The following TMOD1 variants were observed in gnomAD, a reference collection of about 807,000 sequenced individuals.
TMOD1 encodes tropomodulin-1.
TMOD1 carries 17 observed loss-of-function variants against 40.6 expected under a neutral mutation model. The ratio of observed to expected loss-of-function variants is 0.42; its 90% confidence interval spans 0.29 to 0.63. The LOEUF (loss-of-function observed/expected upper bound fraction) is 0.63. Among genes scored for constraint, TMOD1 ranks in the 20% least tolerant of loss-of-function variants. The probability of loss-of-function intolerance (pLI) is 0.22; values close to 1 mark genes in which losing one functional copy is unlikely to be tolerated. For missense variants in TMOD1, 391 were observed against 447.6 expected, an observed-to-expected ratio of 0.87 and a Z score of 1.14; for synonymous variants, 181 against 175.0, an observed-to-expected ratio of 1.03 and a Z score of -0.27.
Position 97,599,933 on chromosome 9 carries a change from T to C in TMOD1, c.*235T>C. The C allele has an allele frequency of 2.3e-6, 3 of 1,292,310 alleles. No homozygotes were observed. Among genetic ancestry groups the C allele is most frequent in the East Asian group, 3.4e-5 (1 of 29,494 alleles). The allele number at this position is 1,292,310 out of a possible 1,614,324, so 80.1% of individuals were successfully genotyped here. A position where few individuals can be genotyped will look rare whatever the true frequency, so the allele number is the denominator to read the frequency against. ...TTGAATCTGGTTATTATTTAAAAAC[T>C]AGAAGCCCCCAAACCAGCAGATCTT... On this transcript the variant is annotated 3_prime_UTR_variant, in exon 10 of 10. Transcript: ENST00000259365.
At chr9:97,566,442 G>T (rs911746937) in intron 7 of TMOD1, among the ~76,000 whole-genome samples, 4 of 152,086 alleles carry the variant, frequency 2.6e-5, no homozygotes. Flanking sequence ...AGGTCAAGAC[G>T]GGTGGATCAC....
chr9:97,592,741 C>T (rs1326663406), intron 9 of TMOD1, among the ~76,000 whole-genome samples: 1 of 152,202 alleles, frequency 6.6e-6, no homozygotes, highest in Non-Finnish European at 1.5e-5. Context: ...TACACACACA[C>T]ACACACTTTA....
chr9:97,597,731 A>G (rs1470056597), intron 9 of TMOD1, among the ~76,000 whole-genome samples: 1 of 145,404 alleles, frequency 6.9e-6, no homozygotes, highest in Non-Finnish European at 1.5e-5. Flanking sequence ...AGCCAGTGCC[A>G]GGGGAACCAT....
chr9:97,526,838 A>G (rs1830021584), intron 2 of TMOD1, among the ~76,000 whole-genome samples: 1 of 152,212 alleles, frequency 6.6e-6, no homozygotes, highest in Non-Finnish European at 1.5e-5. Context: ...GGTCATTTTC[A>G]GGGTTAAGCT....
At chr9:97,566,758 G>A (rs899679438) in intron 7 of TMOD1, among the ~76,000 whole-genome samples, 16 of 152,130 alleles carry the variant, frequency 1.1e-4, no homozygotes, top group African/African-American at 3.1e-4. Flanking sequence ...TATTTTATAA[G>A]TCTCAAAAGA....
intron 2 of TMOD1, among the ~76,000 whole-genome samples, chr9:97,535,998 T>C (rs944961071): frequency 1.3e-5 from 2 of 152,188 alleles, no homozygotes; most frequent in Non-Finnish European, 2.9e-5. Context: ...TGGATCCTGC[T>C]GGTCCCTTTG....
In TMOD1 at chr9:97,601,306, A is replaced by G; in HGVS notation, c.*1608A>G. 1 of 1,171,474 alleles carries G rather than the reference A, an allele frequency of 8.5e-7. No individual in the cohort carries two copies. The highest frequency in any genetic ancestry group is 1.6e-5 in the South Asian group (1 of 61,746). The allele number at this position is 1,171,474 out of a possible 1,614,324, so 72.6% of individuals were successfully genotyped here. On this transcript the variant is annotated 3_prime_UTR_variant, in exon 10 of 10. Coordinates refer to ENST00000259365, the MANE Select transcript of TMOD1 (RefSeq NM_003275.4). ...TGTGTGACAGGGACATGTGCCTGGC[A>G]CACTGGCCAGAAGACTGGGCAGCCA...
chr9:97,515,590 C>T (rs187803584), intron 1 of TMOD1, among the ~76,000 whole-genome samples: 110 of 152,288 alleles, frequency 7.2e-4, no homozygotes, highest in Non-Finnish European at 1.3e-3. Context: ...TATTTTGGTA[C>T]CTTTAATGGC....
intron 2 of TMOD1, among the ~76,000 whole-genome samples, chr9:97,540,346 C>T (rs962274772): frequency 6.6e-5 from 10 of 152,194 alleles, no homozygotes; most frequent in Non-Finnish European, 1.3e-4. Context: ...TGTGTTCTCA[C>T]GGTGACTGGT....
At chr9:97,510,910 A>G (rs746344269) in intron 1 of TMOD1, among the ~76,000 whole-genome samples, 4 of 152,222 alleles carry the variant, frequency 2.6e-5, no homozygotes, top group Admixed American at 6.5e-5. Flanking sequence ...GGAGGAGTGG[A>G]GTGCAGCATG....
chr9:97,556,408 T>G (rs941789518), intron 4 of TMOD1, among the ~76,000 whole-genome samples: 5 of 151,042 alleles, frequency 3.3e-5, no homozygotes, highest in African/African-American at 1.2e-4. Flanking sequence ...CACCAGAGAG[T>G]GGTGGGTGGT....
chr9:97,561,617 C>T (rs928466704), intron 4 of TMOD1, among the ~76,000 whole-genome samples: 13 of 152,292 alleles, frequency 8.5e-5, no homozygotes, highest in South Asian at 4.1e-4. Flanking sequence ...TGATTATTAC[C>T]GCCACACATC....
intron 9 of TMOD1, among the ~76,000 whole-genome samples, chr9:97,593,099 C>A (rs889031071): frequency 6.6e-6 from 1 of 152,194 alleles, no homozygotes; most frequent in African/African-American, 2.4e-5. Flanking sequence ...ATGCAATAAT[C>A]TCATATTTGT....
chr9:97,574,294 G>A (rs1830877230), intron 8 of TMOD1, among the ~76,000 whole-genome samples: 1 of 151,988 alleles, frequency 6.6e-6, no homozygotes. Context: ...GCGTGCTCTC[G>A]GCGGGCCCCG....
At chr9:97,533,950 A>T (rs948022414) in intron 2 of TMOD1, among the ~76,000 whole-genome samples, 29 of 152,188 alleles carry the variant, frequency 1.9e-4, no homozygotes, top group Non-Finnish European at 4.1e-4. Context: ...TGTCCAGCTC[A>T]TCTTTCTGCC....
At chr9:97,544,981 C>T (rs566454832) in intron 2 of TMOD1, among the ~76,000 whole-genome samples, 2 of 148,638 alleles carry the variant, frequency 1.3e-5, no homozygotes, top group African/African-American at 2.5e-5. Flanking sequence ...TGCATTCCAG[C>T]CTGGGTGCAA....
chr9:97,530,386 C>T (rs1266299543), intron 2 of TMOD1, among the ~76,000 whole-genome samples: 1 of 152,074 alleles, frequency 6.6e-6, no homozygotes, highest in Non-Finnish European at 1.5e-5. Flanking sequence ...TTAAAGTCAG[C>T]TGTCAGGAAT....
chr9:97,559,301 G>GA (rs1830581479), intron 4 of TMOD1, among the ~76,000 whole-genome samples: 1 of 151,860 alleles, frequency 6.6e-6, no homozygotes, highest in African/African-American at 2.4e-5. Context: ...ACGAGAGCTT[G>GA]AAAAAATGCA....
intron 8 of TMOD1, among the ~76,000 whole-genome samples, chr9:97,588,447 G>A (rs953791486): frequency 2.0e-5 from 3 of 152,038 alleles, no homozygotes; most frequent in Non-Finnish European, 4.4e-5. Flanking sequence ...TTACTGTTGA[G>A]TTCTAATAGT....
Sources: gnomAD v4.1 joint callset for allele counts (sites outside exome capture counted in the v4.1 genomes callset) on GRCh38, gnomAD v4.1.1 for gene constraint, MANE v1.5 for transcripts, NCBI Gene and HGNC (gene_info 2026-07-23, HGNC 2026-07-21) for gene names.